TTC12: variants seen among roughly 807,000 people sequenced by gnomAD.
TTC12 encodes the protein tetratricopeptide repeat domain 12, also known as tetratricopeptide repeat protein 12.
TTC12 carries 70 observed loss-of-function variants against 90.1 expected under a neutral mutation model. The observed-to-expected ratio is 0.78, with a 90% CI of 0.64 to 0.95. The LOEUF (loss-of-function observed/expected upper bound fraction) is 0.95, where lower values mean the gene tolerates loss of function less well. Ranked by LOEUF, TTC12 falls within the 40% of genes least tolerant of loss-of-function variation. The pLI is 0.00. For missense variants in TTC12, 819 were observed against 846.1 expected, an observed-to-expected ratio of 0.97 and a Z score of 0.40; for synonymous variants, 296 against 311.5, an observed-to-expected ratio of 0.95 and a Z score of 0.53.
At chr11:113,322,436 A>G (rs1555138926) in intron 2 of TTC12, among the ~76,000 whole-genome samples, 1 of 152,206 alleles carries the variant, frequency 6.6e-6, no homozygotes, top group Non-Finnish European at 1.5e-5. Flanking sequence ...GTAGTAAGGA[A>G]GGATGGATGT....
chr11:113,314,937 C>T (rs1555134631), intron 1 of TTC12: 1 of 135,410 alleles, frequency 7.4e-6, no homozygotes, highest in East Asian at 1.9e-4. Flanking sequence ...CGCGGCGCCG[C>T]TTCGCCATCA....
At chr11:113,355,427 G>T (rs1949577002) in intron 16 of TTC12, among the ~76,000 whole-genome samples, 1 of 151,934 alleles carries the variant, frequency 6.6e-6, no homozygotes, top group African/African-American at 2.4e-5. Flanking sequence ...TTGATCTTTT[G>T]AATAGGTTTT....
In TTC12 at chr11:113,323,442, T is replaced by C. The variant is rs1555139534; in HGVS notation, c.213T>C (p.Thr71=). The C allele has an allele frequency of 1.9e-6, 3 of 1,583,006 alleles. 1 individual carries two copies. The highest frequency in any genetic ancestry group is 4.5e-5 in the East Asian group (2 of 44,124). ...LNKTMISPPQ[T]AMKSAEEINS... is the part of the protein sequence containing the mutation. ...AGACTATGATCAGTCCTCCACAAAC[T>C]GCTATGAAGGTTTCTTTTTCTATTG... The change falls in exon 3 of 22, where the codon ACT becomes ACC. Residue 71 remains threonine (T), a synonymous_variant. Transcript: ENST00000529221.
rs192326439 is a variant in TTC12, at chr11:113,318,003, T to G, written c.58+1688T>G. Among the ~76,000 whole-genome samples the G allele has an allele frequency of 4.3e-3, 653 of 152,338 alleles. 10 individuals carry two copies. Among genetic ancestry groups the G allele is most frequent in the South Asian group, 0.025 (123 of 4,824 alleles). Reference sequence around the variant, plus strand: ...CCCTGTGGTCTAGTGCTTAGGGTTCTGTGTGTTTGTGGCTGCAGCCCAGGT... The same window carrying G: ...CCCTGTGGTCTAGTGCTTAGGGTTCGGTGTGTTTGTGGCTGCAGCCCAGGT... On this transcript the variant is annotated intron_variant, in intron 2 of 21. Coordinates refer to ENST00000529221, the MANE Select transcript of TTC12 (RefSeq NM_017868.4).
At chr11:113,354,747 G>T (rs1212942616) in intron 16 of TTC12, among the ~76,000 whole-genome samples, 1 of 152,192 alleles carries the variant, frequency 6.6e-6, no homozygotes, top group African/African-American at 2.4e-5. Context: ...AGTTCTATTT[G>T]TGATGAATCA....
chr11:113,324,779 C>A, intron 5 of TTC12, 97 bp downstream of exon 5: 1 of 1,088,734 alleles, frequency 9.2e-7, no homozygotes. Context: ...ATCTAGATTC[C>A]CAGTGGTGAG....
chr11:113,369,834 C>CT (rs1020267769), downstream of TTC12, among the ~76,000 whole-genome samples: 21 of 152,302 alleles, frequency 1.4e-4, no homozygotes, highest in African/African-American at 5.1e-4. Context: ...AATGGCGACT[C>CT]TTTTTGAGAA....
At chr11:113,370,071 T>G (rs893639064), downstream of TTC12, among the ~76,000 whole-genome samples, 1 of 152,150 alleles carries the variant, frequency 6.6e-6, no homozygotes, top group African/African-American at 2.4e-5. Context: ...GCACTGGTCT[T>G]GGGTGGGATG....
At chr11:113,325,125 G>A (rs1472207877) in intron 5 of TTC12, among the ~76,000 whole-genome samples, 1 of 152,144 alleles carries the variant, frequency 6.6e-6, no homozygotes, top group Non-Finnish European at 1.5e-5. Context: ...TATGATAGAA[G>A]AATGTTTTCA....
intron 21 of TTC12, 69 bp from the exon 22 acceptor site, chr11:113,366,155 GT>G: frequency 6.4e-7 from 1 of 1,554,310 alleles, no homozygotes; most frequent in East Asian, 2.2e-5. Context: ...CTGAGAGGGT[GT>G]TGGCTCTGGG....
intron 17 of TTC12, 27 bp from the exon 18 acceptor site, chr11:113,359,913 C>G: frequency 1.3e-6 from 2 of 1,558,936 alleles, no homozygotes; most frequent in Non-Finnish European, 8.7e-7. Flanking sequence ...ATTAAAATCT[C>G]CTGCTGGCCT....
chr11:113,326,244 C>T (rs187391735), intron 6 of TTC12, among the ~76,000 whole-genome samples: 1 of 152,244 alleles, frequency 6.6e-6, no homozygotes, highest in Admixed American at 6.5e-5. Flanking sequence ...TAAAAACCAC[C>T]CAGATGTTTA....
chr11:113,371,334 A>G (rs1950380926), downstream of TTC12: 1 of 152,154 alleles, frequency 6.6e-6, no homozygotes, highest in South Asian at 2.1e-4. Flanking sequence ...TGTAAATTCT[A>G]TGTAAATAGT....
At position 113,364,906 on chromosome 11, in the gene TTC12, G is replaced by A. The variant is rs1279590498; in HGVS notation, c.1888G>A (p.Gly630Ser). The part of the protein sequence containing the change: ...VLVGNAALCL[G>S]NCMEVPNVAS... ...GGTGGGCAACGCTGCCCTCTGCCTT[G>A]GTAACTGCATGGAGGTGCCCAACGT... Residue 630 changes from glycine (G) to serine (S), a missense_variant, in exon 21 of 22, where the codon GGT becomes AGT. By Grantham distance (56) the Gly-to-Ser change is moderately conservative. Coordinates refer to ENST00000529221, the MANE Select transcript of TTC12 (RefSeq NM_017868.4). 1.9e-6 allele frequency: 3 copies of A among 1,614,072 alleles called. No individual in the cohort carries two copies. The Admixed American group carries it at 5.0e-5, about 27-fold the overall frequency.
chr11:113,333,242 G>A (rs1359095898), intron 7 of TTC12, among the ~76,000 whole-genome samples: 2 of 151,842 alleles, frequency 1.3e-5, no homozygotes, highest in African/African-American at 2.4e-5. Flanking sequence ...CCTGCCCCTC[G>A]ATCCCAGCTG....
intron 16 of TTC12, among the ~76,000 whole-genome samples, chr11:113,357,360 G>T (rs1247527677): frequency 6.6e-6 from 1 of 152,078 alleles, no homozygotes; most frequent in Non-Finnish European, 1.5e-5. Flanking sequence ...CTTTCTTGGT[G>T]TGGGTTTCAA....
At chr11:113,365,373 C>T in intron 21 of TTC12, 1 of 302,502 alleles carries the variant, frequency 3.3e-6, no homozygotes, top group Non-Finnish European at 6.4e-6. Flanking sequence ...GTCTCTTTAT[C>T]CTCCTTCTTC....
chr11:113,334,452 G>T (rs76068575), intron 7 of TTC12, among the ~76,000 whole-genome samples: 3,038 of 128,864 alleles, frequency 0.024, 28 homozygotes, highest in Middle Eastern at 0.085. Context: ...GACTTCCCAG[G>T]TCCACTAAGA....
rs78981208 is a variant in TTC12, at chr11:113,329,532, C to T, written c.445-388C>T. 4.1e-3 allele frequency: 1,896 copies of T among 457,374 alleles called. 35 individuals carry two copies. The highest frequency in any genetic ancestry group is 0.035 in the African/African-American group (1,738 of 50,286). The allele number at this position is 457,374 out of a possible 1,614,324, so 28.3% of individuals were successfully genotyped here. On this transcript the variant is annotated intron_variant, in intron 6 of 21. Transcript: ENST00000529221. ...AAGTGAGATTGGGGTATTTATTCTC[C>T]TGGCCTTCGGCTCTGGTGAAGGCCT... is the stretch of plus-strand genomic sequence containing the variant.
Sources: allele counts gnomAD v4.1 joint callset (sites outside exome capture counted in the v4.1 genomes callset), GRCh38; gene constraint gnomAD v4.1.1; transcripts MANE v1.5; gene names NCBI Gene and HGNC (gene_info 2026-07-23, HGNC 2026-07-21).